ITPR3: variants seen among roughly 807,000 people sequenced by gnomAD.
ITPR3 encodes the protein inositol 1,4,5-trisphosphate receptor type 3.
ITPR3 carries 173 observed loss-of-function variants against 293.2 expected under a neutral mutation model. The observed-to-expected ratio is 0.59, with a 90% CI of 0.52 to 0.67. ITPR3 has a LOEUF of 0.67. Among genes scored for constraint, ITPR3 ranks in the 30% least tolerant of loss-of-function variants. The pLI, the probability that ITPR3 is intolerant of heterozygous loss-of-function variation, is 0.00. For missense variants in ITPR3, 2,796 were observed against 3,592.1 expected (o/e 0.78, Z 5.66); for synonymous variants, 1,295 against 1,444.4 (o/e 0.90, Z 2.35).
chr6:33,622,358 C>T (rs549428124), intron 1 of ITPR3, among the ~76,000 whole-genome samples: 1 of 152,258 alleles, frequency 6.6e-6, no homozygotes, highest in East Asian at 1.9e-4. Flanking sequence ...TAATTCTGGC[C>T]GCCACCTCCC....
At position 33,679,276 on chromosome 6, in the gene ITPR3, G is replaced by A. The variant is rs1765002676; in HGVS notation, c.3972+437G>A. 6.6e-6 allele frequency among the ~76,000 whole-genome samples: 1 copy of A among 152,138 alleles called. No homozygotes were observed. The highest frequency in any genetic ancestry group is 2.4e-5 in the African/African-American group (1 of 41,424). ...GGGCCCCAGTGTGTGGCGCATAGTA[G>A]GTTCTCAACAGACACCTGTTGAGTG... On this transcript the variant is annotated intron_variant, in intron 30 of 57. Coordinates refer to ENST00000605930, the MANE Select transcript of ITPR3 (RefSeq NM_002224.4). The surrounding 1 kb of genome is among the most constrained non-coding windows in gnomAD (Gnocchi z 4.2).
chr6:33,630,603 C>T (rs1763653642), intron 1 of ITPR3, among the ~76,000 whole-genome samples: 1 of 152,184 alleles, frequency 6.6e-6, no homozygotes, highest in Non-Finnish European at 1.5e-5. Context: ...GCTGTAGAGA[C>T]CCCAGGACTT....
chr6:33,636,444 G>C (rs554350405), intron 1 of ITPR3, among the ~76,000 whole-genome samples: 1 of 152,176 alleles, frequency 6.6e-6, no homozygotes, highest in South Asian at 2.1e-4. Context: ...CAATGTGGTG[G>C]TGAGAGTGAC....
intron 2 of ITPR3, among the ~76,000 whole-genome samples, chr6:33,652,599 G>A (rs1764216384): frequency 6.6e-6 from 1 of 151,940 alleles, no homozygotes; most frequent in African/African-American, 2.4e-5. Context: ...CTGAGTAGCT[G>A]GGATTACAGG....
At chr6:33,636,244 G>T (rs1222839412) in intron 1 of ITPR3, among the ~76,000 whole-genome samples, 1 of 151,936 alleles carries the variant, frequency 6.6e-6, no homozygotes, top group Non-Finnish European at 1.5e-5. Context: ...AGAGGTTGCA[G>T]TGAGCCAAGA....
At position 33,684,643 on chromosome 6, in the gene ITPR3, C is replaced by G. The variant is rs774177342; in HGVS notation, c.5092C>G (p.Arg1698Gly). Residue 1698 changes from arginine to glycine, a missense_variant, in exon 38 of 58, where the codon CGG becomes GGG. By Grantham distance (125) the Arg-to-Gly change is moderately radical (BLOSUM62 -2). Coordinates refer to ENST00000605930, the MANE Select transcript of ITPR3 (RefSeq NM_002224.4). The surrounding 1 kb of genome is among the most constrained non-coding windows in gnomAD (Gnocchi z 4.2). ...GCTGCTGCAAAACTACCTCCAGAAC[C>G]GGAAGTCCACCTCGCGGGGGGACCT... ...KMLLQNYLQN[R>G]KSTSRGDLPD... 1 of 1,614,134 alleles carries G rather than the reference C, an allele frequency of 6.2e-7. No homozygotes were observed. The highest frequency in any genetic ancestry group is 1.7e-5 in the Admixed American group (1 of 60,028).
At position 33,665,077 on chromosome 6, in the gene ITPR3, G is replaced by A. The variant is rs760918303; in HGVS notation, c.1273G>A (p.Asp425Asn). ...GCTGGGCACCTGCCCCACCAAGGAG[G>A]ACAAGGAGGCCTTTGCCATCGTGTC... is the stretch of plus-strand genomic sequence containing the variant. ...LMLGTCPTKE[D>N]KEAFAIVSVP... Residue 425 changes from aspartate (D) to asparagine (N), a missense_variant, in exon 13 of 58, where the codon GAC becomes AAC. Around this residue, in one of 8 missense-constraint regions of ITPR3, gnomAD observed 955 missense variants for 1,180.8 expected, o/e 0.81. Transcript: ENST00000605930. 1.5e-5 allele frequency: 24 copies of A among 1,614,036 alleles called. No individual in the cohort carries two copies. Among genetic ancestry groups the A allele is most frequent in the East Asian group, 4.5e-5 (2 of 44,888 alleles).
chr6:33,653,278 C>CT (rs56048235), intron 2 of ITPR3, among the ~76,000 whole-genome samples: 164 of 132,048 alleles, frequency 1.2e-3, no homozygotes, highest in Non-Finnish European at 1.9e-3. Flanking sequence ...TTTTTATTAA[C>CT]TTTTTTTTTT....
At position 33,640,430 on chromosome 6, in the gene ITPR3, A is replaced by ACTGT. The variant is rs774351207; in HGVS notation, c.90-53_90-50dup. 4 of 1,538,836 alleles carry ACTGT rather than the reference A, an allele frequency of 2.6e-6. No individual in the cohort carries two copies. In the East Asian group the frequency reaches 9.2e-5, roughly 35 times the overall value. The stretch of plus-strand genomic sequence containing the variant: ...CATCCCCTGCTCTAAGGGAAGGGAT[A>ACTGT]CTGTGGGAGATAGGTCTCTTCTCTC... On this transcript the variant is annotated intron_variant, in intron 1 of 57. Transcript: ENST00000605930.
chr6:33,645,645 G>A (rs906177804), intron 2 of ITPR3, among the ~76,000 whole-genome samples: 1 of 152,184 alleles, frequency 6.6e-6, no homozygotes, highest in Non-Finnish European at 1.5e-5. Flanking sequence ...GTGACCCTGT[G>A]GCGACTGTGG....
In ITPR3 at chr6:33,655,713, G is replaced by A; in HGVS notation, c.161-53G>A. 6.2e-7 allele frequency: 1 copy of A among 1,610,788 alleles called. No individual in the cohort carries two copies. The highest frequency in any genetic ancestry group is 8.5e-7 in the Non-Finnish European group (1 of 1,177,998). ...CAGGCTGGGGTTTTCTCCAGGGAGG[G>A]CCCTGAGCCCCAGATGAATCATTCC... On this transcript the variant is annotated intron_variant, in intron 2 of 57. Transcript: ENST00000605930. The surrounding 1 kb of genome is among the most constrained non-coding windows in gnomAD (Gnocchi z 4.9).
intron 1 of ITPR3, among the ~76,000 whole-genome samples, chr6:33,639,642 C>G (rs1474863287): frequency 6.6e-6 from 1 of 151,980 alleles, no homozygotes; most frequent in Non-Finnish European, 1.5e-5. Flanking sequence ...ATCTTAGAGG[C>G]TGGAGTGGCA....
chr6:33,646,361 T>G (rs890786068), intron 2 of ITPR3, among the ~76,000 whole-genome samples: 1 of 89,546 alleles, frequency 1.1e-5, no homozygotes, highest in Admixed American at 1.4e-4. Flanking sequence ...TCCCACCCTC[T>G]TCCCACCCCC....
intron 1 of ITPR3, among the ~76,000 whole-genome samples, chr6:33,630,443 G>A (rs1763648703): frequency 6.6e-6 from 1 of 152,230 alleles, no homozygotes; most frequent in South Asian, 2.1e-4. Context: ...CAAGCCTGGG[G>A]CTGGCAGGCC....
chr6:33,662,864 A>AT (rs1764508869), intron 8 of ITPR3, 47 bp from the exon 9 acceptor site: 2 of 1,548,518 alleles, frequency 1.3e-6, no homozygotes, highest in African/African-American at 2.7e-5. Flanking sequence ...CTGACTCCCC[A>AT]TGCCTGTCCA....
At chr6:33,695,162 ACCCACCCTCTTC>A in intron 57 of ITPR3, 77 bp downstream of exon 57, 1 of 1,505,204 alleles carries the variant, frequency 6.6e-7, no homozygotes, top group Admixed American at 1.8e-5. Flanking sequence ...ATCCTTCCTG[ACCCACCCTCTTC>A]CCCACTGGCC....
intron 49 of ITPR3, among the ~76,000 whole-genome samples, 153 bp downstream of exon 49, chr6:33,688,934 A>G (rs1443614045): frequency 6.6e-6 from 1 of 152,174 alleles, no homozygotes; most frequent in Non-Finnish European, 1.5e-5. Flanking sequence ...CTCTCGCCCC[A>G]TCATGGAGAC....
intron 40 of ITPR3, 38 bp from the exon 41 acceptor site, chr6:33,685,605 G>C: frequency 6.3e-7 from 1 of 1,586,926 alleles, no homozygotes; most frequent in South Asian, 1.1e-5. Flanking sequence ...GTGGCCAAGG[G>C]GGTGGGCAGC....
chr6:33,626,931 G>A (rs1401677504), intron 1 of ITPR3, among the ~76,000 whole-genome samples: 4 of 152,100 alleles, frequency 2.6e-5, no homozygotes, highest in Non-Finnish European at 5.9e-5. Context: ...TCAGCCTCCC[G>A]AGTAGCTGGG....
Sources: gnomAD v4.1 joint callset for allele counts (sites outside exome capture counted in the v4.1 genomes callset) on GRCh38, gnomAD v4.1.1 for gene constraint, gnomAD v4.1.1 regional missense constraint, Gnocchi (gnomAD v3.1) non-coding constraint, MANE v1.5 for transcripts, NCBI Gene and HGNC (gene_info 2026-07-23, HGNC 2026-07-21) for gene names.